SLC3A1: variants seen among roughly 807,000 people sequenced by gnomAD.
SLC3A1 encodes the protein amino acid transporter heavy chain SLC3A1.
SLC3A1 carries 78 observed loss-of-function variants against 60.3 expected under a neutral mutation model. The ratio of observed to expected loss-of-function variants is 1.29; its 90% confidence interval spans 1.08 to 1.56. The LOEUF (loss-of-function observed/expected upper bound fraction) is 1.56, where lower values mean the gene tolerates loss of function less well. SLC3A1 is among the 40% of genes most tolerant of loss of function. The probability of loss-of-function intolerance (pLI) is 0.00; values close to 1 mark genes in which losing one functional copy is unlikely to be tolerated. For missense variants in SLC3A1, 1,172 were observed against 858.9 expected, an observed-to-expected ratio of 1.36 and a Z score of -4.56; for synonymous variants, 392 against 307.9, an observed-to-expected ratio of 1.27 and a Z score of -2.86.
downstream of SLC3A1, chr2:44,321,738 G>T (rs1348648187): frequency 1.2e-6 from 2 of 1,609,424 alleles, no homozygotes; most frequent in African/African-American, 1.3e-5. Context: ...AAGTGGCTTT[G>T]TCATAAACCT....
At chr2:44,293,764 G>C (rs992798229) in intron 4 of SLC3A1, among the ~76,000 whole-genome samples, 3 of 152,256 alleles carry the variant, frequency 2.0e-5, no homozygotes, top group African/African-American at 7.2e-5. Flanking sequence ...AGGGAGCCAG[G>C]CTAGCAAATA....
chr2:44,318,006 T>G, intron 9 of SLC3A1: 1 of 348,872 alleles, frequency 2.9e-6, no homozygotes, highest in South Asian at 2.1e-5. Context: ...ACACAAAAAA[T>G]GAAGTTATCT....
chr2:44,298,981 T>G (rs1432766321), intron 4 of SLC3A1, among the ~76,000 whole-genome samples: 1 of 152,156 alleles, frequency 6.6e-6, no homozygotes, highest in Non-Finnish European at 1.5e-5. Flanking sequence ...CCATTTGTGT[T>G]TGGGATCAAT....
At chr2:44,297,543 A>G (rs949412168) in intron 4 of SLC3A1, among the ~76,000 whole-genome samples, 1 of 152,182 alleles carries the variant, frequency 6.6e-6, no homozygotes, top group African/African-American at 2.4e-5. Flanking sequence ...GCAGCCCTGT[A>G]GGCAGAGGTG....
chr2:44,304,146 C>A lies in SLC3A1; in HGVS notation c.1140C>A (p.Phe380Leu). The change falls in exon 7 of 10, where the codon TTC becomes TTA. Residue 380 changes from phenylalanine to leucine, a missense_variant. By Grantham distance (22) the Phe-to-Leu change is conservative. Coordinates refer to ENST00000260649, the MANE Select transcript of SLC3A1 (RefSeq NM_000341.4). ...QYSTEPGRYRFMGTEAYAESI... is the reference protein window; with the variant it reads ...QYSTEPGRYRLMGTEAYAESI... Reference sequence around the variant, plus strand: ...TGAACCTTGTCAACTCTTATAGGTTCATGGGGACTGAAGCCTATGCAGAGA... The same window carrying A: ...TGAACCTTGTCAACTCTTATAGGTTAATGGGGACTGAAGCCTATGCAGAGA... 6.2e-7 allele frequency: 1 copy of A among 1,613,588 alleles called. No individual in the cohort carries two copies. The highest frequency in any genetic ancestry group is 8.5e-7 in the Non-Finnish European group (1 of 1,179,486).
At position 44,286,063 on chromosome 2, in the gene SLC3A1, T is replaced by G; in HGVS notation, c.797T>G (p.Phe266Cys). 1 of 1,614,088 alleles carries G rather than the reference T, an allele frequency of 6.2e-7. No individual in the cohort carries two copies. Among genetic ancestry groups the G allele is most frequent in the South Asian group, 1.1e-5 (1 of 91,074 alleles). Residue 266 changes from phenylalanine (F) to cysteine (C), a missense_variant, in exon 4 of 10, where the codon TTT (phenylalanine) becomes TGT (cysteine). Phe to Cys is a radical substitution (Grantham distance 205). Transcript: ENST00000260649. ...GTGTATGGAAACTCCAGTTGGCACT[T>G]TGACGAAGTGCGAAACCAATGTTAT... is the stretch of plus-strand genomic sequence containing the variant. ...LSVYGNSSWH[F>C]DEVRNQCYFH...
At chr2:44,285,132 C>T (rs1179513502) in intron 3 of SLC3A1, 1 of 152,118 alleles carries the variant, frequency 6.6e-6, no homozygotes, top group Non-Finnish European at 1.5e-5. Flanking sequence ...TGTTTATGTA[C>T]ACTAAAAATC....
chr2:44,294,722 G>A (rs1486715844), intron 4 of SLC3A1, among the ~76,000 whole-genome samples: 1 of 152,066 alleles, frequency 6.6e-6, no homozygotes. Context: ...CCTGCTTCTG[G>A]AGGAGTTAGC....
intron 3 of SLC3A1, among the ~76,000 whole-genome samples, chr2:44,283,850 T>C (rs1405538557): frequency 6.8e-6 from 1 of 146,400 alleles, no homozygotes; most frequent in Non-Finnish European, 1.5e-5. Flanking sequence ...TTATGAAAAG[T>C]GTCATGCTAG....
In SLC3A1 at chr2:44,304,310, T is replaced by G. The variant is rs184648701; in HGVS notation, c.1304T>G (p.Met435Arg). Reference protein sequence around the residue: ...YEVITSWMENMPEGKWPNWMI... With the variant: ...YEVITSWMENRPEGKWPNWMI... ...GTTATCACATCCTGGATGGAAAACA[T>G]GCCAGAAGGAAAATGGCCTAACTGG... Residue 435 changes from methionine to arginine, a missense_variant, in exon 7 of 10, where the codon ATG becomes AGG. Met to Arg is a moderately conservative substitution (Grantham distance 91). Transcript: ENST00000260649. 1 of 1,614,160 alleles carries G rather than the reference T, an allele frequency of 6.2e-7. No homozygotes were observed. The highest frequency in any genetic ancestry group is 2.2e-5 in the East Asian group (1 of 44,888).
intron 9 of SLC3A1, 199 bp from the exon 10 acceptor site, chr2:44,320,000 C>T (rs887334569): frequency 1.0e-5 from 6 of 578,608 alleles, no homozygotes; most frequent in East Asian, 5.9e-5. Context: ...CCAGACAAGC[C>T]GAAACCCCGA....
chr2:44,308,636 T>C (rs1213208180), intron 7 of SLC3A1, among the ~76,000 whole-genome samples: 3 of 152,234 alleles, frequency 2.0e-5, no homozygotes, highest in Non-Finnish European at 2.9e-5. Context: ...TATTAGTGTA[T>C]AGAAATACAA....
chr2:44,317,154 A>G (rs1672495890), intron 9 of SLC3A1, among the ~76,000 whole-genome samples: 1 of 152,300 alleles, frequency 6.6e-6, no homozygotes, highest in East Asian at 1.9e-4. Flanking sequence ...TGACTATTAC[A>G]TTAAATAGAA....
intron 6 of SLC3A1, 126 bp downstream of exon 6, chr2:44,301,253 T>G (rs1671999102): frequency 7.8e-7 from 1 of 1,276,576 alleles, no homozygotes; most frequent in Non-Finnish European, 1.1e-6. Flanking sequence ...CTCTAATTGA[T>G]TACAGTTTGG....
At chr2:44,276,228 G>T (rs1296522600) in intron 1 of SLC3A1, among the ~76,000 whole-genome samples, 1 of 152,212 alleles carries the variant, frequency 6.6e-6, no homozygotes, top group Non-Finnish European at 1.5e-5. Context: ...AGTACATACA[G>T]TTGTTCAGTC....
intron 4 of SLC3A1, among the ~76,000 whole-genome samples, chr2:44,293,882 G>C (rs990439768): frequency 6.6e-6 from 1 of 152,144 alleles, no homozygotes; most frequent in Admixed American, 6.5e-5. Flanking sequence ...GGTAAAGGGG[G>C]AACAATAATG....
At chr2:44,295,890 GCAC>G (rs1259469616) in intron 4 of SLC3A1, among the ~76,000 whole-genome samples, 1 of 152,188 alleles carries the variant, frequency 6.6e-6, no homozygotes, top group Admixed American at 6.5e-5. Flanking sequence ...TTAAAGAACA[GCAC>G]CACCTGGGTG....
At chr2:44,317,768 G>C (rs1672549265) in intron 9 of SLC3A1, 1 of 152,250 alleles carries the variant, frequency 6.6e-6, no homozygotes, top group Non-Finnish European at 1.5e-5. Context: ...AAGCTTAATA[G>C]AAAAAAACCC....
intron 6 of SLC3A1, chr2:44,303,822 C>T (rs1672080692): frequency 6.0e-6 from 3 of 498,474 alleles, no homozygotes; most frequent in South Asian, 2.1e-5. Context: ...TGAGTGAGAA[C>T]ATGCGGTGTT....
Sources: gnomAD v4.1 joint callset for allele counts (sites outside exome capture counted in the v4.1 genomes callset) on GRCh38, gnomAD v4.1.1 for gene constraint, MANE v1.5 for transcripts, NCBI Gene and HGNC (gene_info 2026-07-23, HGNC 2026-07-21) for gene names.